Variants in TIAM1 observed in about 807,000 individuals in gnomAD.
TIAM1 encodes TIAM Rac1 associated GEF 1.
In TIAM1, 65 loss-of-function variants were observed where a neutral mutation model predicts 163.5. The ratio of observed to expected loss-of-function variants is 0.40; its 90% CI spans 0.33 to 0.49. The LOEUF (loss-of-function observed/expected upper bound fraction) is 0.49. Among genes scored for constraint, TIAM1 ranks in the 20% least tolerant of loss-of-function variants. The pLI, the probability that TIAM1 is intolerant of heterozygous loss-of-function variation, is 0.77. For synonymous variants in TIAM1, 833 were observed against 810.1 expected (o/e 1.03, Z -0.48); for missense variants, 1,789 against 2,044.7 (o/e 0.87, Z 2.41).
chr21:31,357,142 G>A lies in TIAM1; in HGVS notation c.-368-17720C>T, dbSNP rs990957202. Among the ~76,000 whole-genome samples the A allele has an allele frequency of 3.9e-5, 6 of 152,252 alleles. No individual in the cohort carries two copies. In the South Asian group the frequency reaches 8.3e-4, roughly 21 times the overall value. On this transcript the variant is annotated intron_variant, in intron 2 of 28. Transcript: ENST00000286827. ...CACCTGTACCCAGACAGCTGACTGT[G>A]GCTAGAGAAAACAGAAGAAAGCATG...
intron 1 of TIAM1, among the ~76,000 whole-genome samples, chr21:31,503,390 G>A (rs2147451839): frequency 1.7e-5 from 2 of 117,016 alleles, no homozygotes; most frequent in South Asian, 6.4e-4. Context: ...GTAAACTGAG[G>A]AAAGAAAAGA....
intron 2 of TIAM1, among the ~76,000 whole-genome samples, chr21:31,292,080 A>G (rs1313535167): frequency 6.6e-6 from 1 of 152,122 alleles, no homozygotes; most frequent in Non-Finnish European, 1.5e-5. Context: ...CCTGCCATTC[A>G]CTGCATCTGT....
intron 1 of TIAM1, among the ~76,000 whole-genome samples, chr21:31,553,198 C>A (rs1028095275): frequency 2.6e-5 from 4 of 152,198 alleles, no homozygotes; most frequent in African/African-American, 9.7e-5. Context: ...CACCAGGCAA[C>A]AGGCATGAGG....
At chr21:31,376,423 T>C (rs962652954) in intron 2 of TIAM1, among the ~76,000 whole-genome samples, 1 of 152,214 alleles carries the variant, frequency 6.6e-6, no homozygotes, top group Admixed American at 6.5e-5. Flanking sequence ...CTCCATTTCA[T>C]GTTTCCACAG....
At chr21:31,231,072 T>C (rs1486076547) in intron 6 of TIAM1, among the ~76,000 whole-genome samples, 1 of 152,172 alleles carries the variant, frequency 6.6e-6, no homozygotes, top group African/African-American at 2.4e-5. Context: ...TGAGTAGAAG[T>C]GACATCACTG....
intron 3 of TIAM1, among the ~76,000 whole-genome samples, chr21:31,274,664 G>A (rs952864201): frequency 6.6e-6 from 1 of 152,140 alleles, no homozygotes; most frequent in African/African-American, 2.4e-5. Context: ...GGCTTGCCCC[G>A]TGTGGGAGTA....
At chr21:31,152,944 G>A in intron 18 of TIAM1, 122 bp downstream of exon 18, 2 of 1,285,266 alleles carry the variant, frequency 1.6e-6, no homozygotes, top group Non-Finnish European at 2.2e-6. Context: ...AATAATTTCA[G>A]CTAGTTACAA....
intron 1 of TIAM1, among the ~76,000 whole-genome samples, chr21:31,506,834 C>T (rs2047044538): frequency 6.6e-6 from 1 of 152,180 alleles, no homozygotes; most frequent in Non-Finnish European, 1.5e-5. Context: ...AGGAGAATCA[C>T]TTTAACCGGG....
intron 1 of TIAM1, among the ~76,000 whole-genome samples, chr21:31,468,564 C>G (rs2045617318): frequency 6.6e-6 from 1 of 151,716 alleles, no homozygotes; most frequent in South Asian, 2.1e-4. Context: ...ATCACGAGGT[C>G]AGGAGGTGGA....
intron 2 of TIAM1, among the ~76,000 whole-genome samples, chr21:31,440,926 T>C (rs2044397169): frequency 6.6e-6 from 1 of 152,110 alleles, no homozygotes. Context: ...TCCACTTTAA[T>C]TAGTTGCAAA....
At chr21:31,262,174 A>T (rs1421959630) in intron 4 of TIAM1, among the ~76,000 whole-genome samples, 1 of 152,218 alleles carries the variant, frequency 6.6e-6, no homozygotes, top group Non-Finnish European at 1.5e-5. Flanking sequence ...TATGTGTAAA[A>T]CTGTGCCATG....
intron 8 of TIAM1, among the ~76,000 whole-genome samples, chr21:31,221,610 A>T (rs1049407775): frequency 6.6e-6 from 1 of 152,248 alleles, no homozygotes; most frequent in African/African-American, 2.4e-5. Context: ...AAATAATGAA[A>T]GCATACAAGT....
intron 1 of TIAM1, among the ~76,000 whole-genome samples, chr21:31,517,882 CTCCATGATCAACT>C (rs925018476): frequency 1.3e-5 from 2 of 152,162 alleles, no homozygotes. Context: ...CTAGTCACTC[CTCCATGATCAACT>C]TCCTTAGCCC....
Position 31,317,128 on chromosome 21 carries a change from A to G in TIAM1, c.-189+22115T>C, listed in dbSNP as rs1324829988. ...AATCCCCGTAAGCTCTGTCCTCTCCATCTTCTCAATTTCAAGTGGATTGAC... is the reference window on the plus strand; with the variant it reads ...AATCCCCGTAAGCTCTGTCCTCTCCGTCTTCTCAATTTCAAGTGGATTGAC... On this transcript the variant is annotated intron_variant, in intron 2 of 27. Coordinates refer to ENST00000541036, the MANE Select transcript of TIAM1 (RefSeq NM_001353694.2). Among the ~76,000 whole-genome samples, 4 of 152,268 alleles carry G rather than the reference A, an allele frequency of 2.6e-5. No individual in the cohort carries two copies. The East Asian group carries it at 7.7e-4, about 29-fold the overall frequency.
At chr21:31,359,385 T>C (rs1318821479) in intron 2 of TIAM1, among the ~76,000 whole-genome samples, 2 of 152,154 alleles carry the variant, frequency 1.3e-5, no homozygotes, top group Admixed American at 6.5e-5. Flanking sequence ...TAAAAATAAA[T>C]ACATTTGTTG....
In TIAM1 at chr21:31,141,368, G is replaced by A. The variant is rs771363763; in HGVS notation, c.3612C>T (p.Phe1204=). ...CCTCGCTCTCCGCATCGGTCAGGGC[G>A]AACAGCTCCCTGAGCAGAAGTGGGT... ...LKYPLLLREL[F]ALTDAESEEH... is the part of the protein sequence containing the mutation. Residue 1204 remains phenylalanine, a synonymous_variant, in exon 21 of 28, where the codon TTC becomes TTT. Coordinates refer to ENST00000541036, the MANE Select transcript of TIAM1 (RefSeq NM_001353694.2). The surrounding 1 kb of genome is among the most constrained non-coding windows in gnomAD (Gnocchi z 4.7). 25 of 1,614,116 alleles carry A rather than the reference G, an allele frequency of 1.5e-5. No individual in the cohort carries two copies. The highest frequency in any genetic ancestry group is 4.0e-5 in the African/African-American group (3 of 74,932).
At chr21:31,422,269 A>G (rs1484032639) in intron 2 of TIAM1, among the ~76,000 whole-genome samples, 1 of 152,188 alleles carries the variant, frequency 6.6e-6, no homozygotes, top group Non-Finnish European at 1.5e-5. Flanking sequence ...TTAAGAACAC[A>G]TGTTACTTTA....
chr21:31,150,338 C>A (rs966537380), intron 19 of TIAM1, among the ~76,000 whole-genome samples: 2 of 151,988 alleles, frequency 1.3e-5, no homozygotes, highest in East Asian at 3.9e-4. Flanking sequence ...CAGTCTTTAC[C>A]CCGGCTCCAA....
At chr21:31,501,672 G>A (rs1195193568) in intron 1 of TIAM1, among the ~76,000 whole-genome samples, 6 of 152,072 alleles carry the variant, frequency 3.9e-5, no homozygotes, top group South Asian at 2.1e-4. Flanking sequence ...GCGCGATCTC[G>A]GCTCGCTGCA....
Sources: allele counts gnomAD v4.1 joint callset (sites outside exome capture counted in the v4.1 genomes callset), GRCh38; gene constraint gnomAD v4.1.1; non-coding constraint Gnocchi (gnomAD v3.1); transcripts MANE v1.5; gene names NCBI Gene and HGNC (gene_info 2026-07-23, HGNC 2026-07-21).